The following PRDM15 variants were observed in gnomAD, a reference collection of about 807,000 sequenced individuals.
The protein encoded by PRDM15 is PR domain zinc finger protein 15.
A neutral mutation model predicts 128.6 loss-of-function variants in PRDM15; 64 were observed. That is an observed-to-expected ratio of 0.50 (90% CI 0.41 to 0.61). PRDM15 has a LOEUF of 0.61. PRDM15 is among the 20% of genes least tolerant of loss of function. PRDM15 has a pLI of 0.00. For missense variants in PRDM15, 1,242 were observed against 1,569.1 expected (o/e 0.79, Z 3.52); for synonymous variants, 615 against 621.8 (o/e 0.99, Z 0.16).
intron 1 of PRDM15, among the ~76,000 whole-genome samples, chr21:41,876,942 C>T (rs2064440277): frequency 6.6e-6 from 1 of 152,224 alleles, no homozygotes; most frequent in South Asian, 2.1e-4. Context: ...TCTGCCCCGC[C>T]ACTGCTCAAA....
intron 21 of PRDM15, among the ~76,000 whole-genome samples, chr21:41,808,327 C>A (rs2061746371): frequency 1.3e-5 from 2 of 152,200 alleles, no homozygotes; most frequent in Non-Finnish European, 2.9e-5. Context: ...TTAGAGGGAT[C>A]CAAGCTCCCC....
chr21:41,801,840 A>G, intron 23 of PRDM15, 118 bp from the exon 24 acceptor site: 1 of 1,165,984 alleles, frequency 8.6e-7, no homozygotes, highest in Non-Finnish European at 1.2e-6. Flanking sequence ...CTTTGGTGAA[A>G]GAGGAAACCG....
chr21:41,804,268 G>A (rs1335968217), intron 22 of PRDM15, among the ~76,000 whole-genome samples: 1 of 152,142 alleles, frequency 6.6e-6, no homozygotes, highest in Non-Finnish European at 1.5e-5. Context: ...CCAGCCAATT[G>A]TTCTAATTTC....
intron 1 of PRDM15, chr21:41,878,747 C>T (rs1311562628): frequency 5.8e-6 from 9 of 1,564,648 alleles, no homozygotes; most frequent in East Asian, 5.0e-5. Flanking sequence ...CCCCCCCGTG[C>T]GACCCGCATG....
chr21:41,821,234 C>T lies in PRDM15; in HGVS notation c.1897-4G>A, dbSNP rs377389433. The T allele has an allele frequency of 1.7e-4, 268 of 1,614,034 alleles. 5 individuals are homozygous for T. The South Asian group carries it at 2.0e-3, about 12-fold the overall frequency. On this transcript the variant is annotated splice_region_variant and splice_polypyrimidine_tract_variant and intron_variant, in intron 15 of 23. Coordinates refer to ENST00000398548, the MANE Select transcript of PRDM15 (RefSeq NM_001040424.3). The surrounding 1 kb of genome is among the most constrained non-coding windows in gnomAD (Gnocchi z 5.4). ...CCTTCCCCCGGCCGAAGGTGAGCTG[C>T]GGGCCAGGTGGACAGGGCACTGCTG... is the stretch of plus-strand genomic sequence containing the variant.
intron 1 of PRDM15, among the ~76,000 whole-genome samples, chr21:41,868,440 C>T (rs2064091877): frequency 6.6e-6 from 1 of 152,086 alleles, no homozygotes; most frequent in Non-Finnish European, 1.5e-5. Flanking sequence ...CAGCACTTTG[C>T]ACCTCCCACC....
chr21:41,836,180 C>T lies in PRDM15; in HGVS notation c.1211G>A (p.Cys404Tyr). Residue 404 changes from cysteine (C) to tyrosine (Y), a missense_variant, in exon 10 of 24, where the codon TGT becomes TAT. Coordinates refer to ENST00000398548, the MANE Select transcript of PRDM15 (RefSeq NM_001040424.3). ...CTCTTTGCGGCTGAACAATTTTGCA[C>T]ACTCTTCGCACTTAAACAGCTTGTC... is the stretch of plus-strand genomic sequence containing the variant. ...HGDKLFKCEE[C>Y]AKLFSRKESL... 1 of 1,614,054 alleles carries T rather than the reference C, an allele frequency of 6.2e-7. No homozygotes were observed. Among genetic ancestry groups the T allele is most frequent in the Non-Finnish European group, 8.5e-7 (1 of 1,180,010 alleles).
rs570330635 is a variant in PRDM15, at chr21:41,872,326, G to A, written c.-10+6944C>T. Among the ~76,000 whole-genome samples, 3 of 152,196 alleles carry A rather than the reference G, an allele frequency of 2.0e-5. No individual in the cohort carries two copies. The South Asian group carries it at 6.2e-4, about 32-fold the overall frequency. On this transcript the variant is annotated intron_variant, in intron 1 of 23. Transcript: ENST00000398548. ...ATTTTTACTTCTTATGGCAGATGAA[G>A]GGCTAGCTTTCTTACATTCTCTTCC...
Position 41,859,121 on chromosome 21 carries a change from G to A in PRDM15, c.131+471C>T. ...CCCACTGAGCCGCCTCACCAGGCCT[G>A]CAGGGACTGCTTCTGGAAGCTGCTG... On this transcript the variant is annotated intron_variant, in intron 3 of 23. Coordinates refer to ENST00000398548, the MANE Select transcript of PRDM15 (RefSeq NM_001040424.3). The surrounding 1 kb of genome is among the most constrained non-coding windows in gnomAD (Gnocchi z 5.3). The A allele has an allele frequency of 6.2e-7, 1 of 1,610,028 alleles. No homozygotes were observed. The highest frequency in any genetic ancestry group is 8.5e-7 in the Non-Finnish European group (1 of 1,178,900).
At chr21:41,875,270 A>G (rs895881009) in intron 1 of PRDM15, among the ~76,000 whole-genome samples, 5 of 152,240 alleles carry the variant, frequency 3.3e-5, no homozygotes, top group Non-Finnish European at 7.3e-5. Flanking sequence ...CTCTACATGC[A>G]GCACTTACCT....
In PRDM15 at chr21:41,821,903, C is replaced by T; in HGVS notation, c.1896G>A (p.Gln632=). The part of the protein sequence containing the change: ...EPHKYSCKRC[Q]LTFGRGKEYL... ...GCACCGCGGGGCAAACCCGCCATAC[C>T]TGGCACCGCTTGCAGCTGTACTTGT... Residue 632 remains glutamine (Q), a splice_region_variant and synonymous_variant, in exon 15 of 24, where the codon CAG becomes CAA. Coordinates refer to ENST00000398548, the MANE Select transcript of PRDM15 (RefSeq NM_001040424.3). The surrounding 1 kb of genome is among the most constrained non-coding windows in gnomAD (Gnocchi z 5.4). The T allele has an allele frequency of 1.9e-6, 3 of 1,614,076 alleles. No individual in the cohort carries two copies. Among genetic ancestry groups the T allele is most frequent in the South Asian group, 2.2e-5 (2 of 91,082 alleles).
chr21:41,810,645 G>A lies in PRDM15; in HGVS notation c.2476+108C>T, dbSNP rs2061835070. 3.3e-6 allele frequency: 3 copies of A among 906,914 alleles called. No individual in the cohort carries two copies. The highest frequency in any genetic ancestry group is 1.4e-5 in the South Asian group (1 of 73,662). The allele number at this position is 906,914 out of a possible 1,614,324, so 56.2% of individuals were successfully genotyped here. On this transcript the variant is annotated intron_variant, in intron 20 of 23. Transcript: ENST00000398548. The surrounding 1 kb of genome is among the most constrained non-coding windows in gnomAD (Gnocchi z 6.4). ...AAGCCAAGACAACACTAAATGTGCT[G>A]GAACCGTCTAGATAATAGAATAGTC...
intron 18 of PRDM15, among the ~76,000 whole-genome samples, chr21:41,818,645 A>G (rs1316666381): frequency 1.3e-5 from 2 of 152,108 alleles, no homozygotes; most frequent in Non-Finnish European, 2.9e-5. Context: ...GGGTGCTCAT[A>G]GGGGTCACCC....
At chr21:41,818,569 A>G (rs769400696) in intron 18 of PRDM15, among the ~76,000 whole-genome samples, 6 of 152,164 alleles carry the variant, frequency 3.9e-5, no homozygotes, top group Non-Finnish European at 7.4e-5. Flanking sequence ...GGGGAAAGGA[A>G]AGACCCCCTT....
chr21:41,850,689 G>A (rs1323348714), intron 5 of PRDM15, among the ~76,000 whole-genome samples: 6 of 152,204 alleles, frequency 3.9e-5, no homozygotes, highest in Middle Eastern at 3.4e-3. Flanking sequence ...CCACGATCAT[G>A]CCACTGCACT....
At chr21:41,820,040 C>T in intron 17 of PRDM15, 55 bp downstream of exon 17, 1 of 1,477,802 alleles carries the variant, frequency 6.8e-7, no homozygotes, top group Non-Finnish European at 9.4e-7. Context: ...CAGCATCCCT[C>T]CCTGCCAGCC....
At chr21:41,820,051 C>T (rs764643606) in intron 17 of PRDM15, 44 bp downstream of exon 17, 2 of 1,536,714 alleles carry the variant, frequency 1.3e-6, no homozygotes, top group African/African-American at 1.4e-5. Context: ...CCTGCCAGCC[C>T]CCTCCAGCGA....
Position 41,811,196 on chromosome 21 carries a change from A to G in PRDM15, c.2393-360T>C, listed in dbSNP as rs527646112. 9 of 223,264 alleles carry G rather than the reference A, an allele frequency of 4.0e-5. 1 individual carries two copies. The highest frequency in any genetic ancestry group is 8.3e-5 in the Non-Finnish European group (9 of 108,960). 13.8% of individuals were successfully genotyped at this position (223,264 alleles called of 1,614,324 possible). ...AGTCCAGGAAGCTCTTAGGCAGCAC[A>G]TGTGATATTACAATGAGAGAGGAAA... On this transcript the variant is annotated intron_variant, in intron 19 of 23. Transcript: ENST00000398548. The surrounding 1 kb of genome is among the most constrained non-coding windows in gnomAD (Gnocchi z 4.1).
chr21:41,845,470 C>CA (rs891996275), intron 6 of PRDM15, among the ~76,000 whole-genome samples: 14 of 151,686 alleles, frequency 9.2e-5, no homozygotes, highest in African/African-American at 2.4e-5. Flanking sequence ...CCGCAGAAGG[C>CA]AGAGCCGTCA....
Sources: allele counts gnomAD v4.1 joint callset (sites outside exome capture counted in the v4.1 genomes callset), GRCh38; gene constraint gnomAD v4.1.1; non-coding constraint Gnocchi (gnomAD v3.1); transcripts MANE v1.5; gene names NCBI Gene and HGNC (gene_info 2026-07-23, HGNC 2026-07-21).